SHCBP1L: variants seen among roughly 807,000 people sequenced by gnomAD.
The protein encoded by SHCBP1L is SHC binding and spindle associated 1 like, also known as testicular spindle-associated protein SHCBP1L.
SHCBP1L carries 67 observed loss-of-function variants against 62.5 expected under a neutral mutation model. The ratio of observed to expected loss-of-function variants is 1.07; its 90% CI spans 0.88 to 1.31. The LOEUF (loss-of-function observed/expected upper bound fraction) is 1.31. SHCBP1L is among the 40% of genes most tolerant of loss of function. The pLI, the probability that SHCBP1L is intolerant of heterozygous loss-of-function variation, is 0.00. For synonymous variants in SHCBP1L, 284 were observed against 289.4 expected (o/e 0.98, Z 0.19); for missense variants, 823 against 809.8 (o/e 1.02, Z -0.20).
chr1:182,915,801 G>A (rs1330338215), intron 6 of SHCBP1L, among the ~76,000 whole-genome samples: 2 of 148,282 alleles, frequency 1.3e-5, no homozygotes, highest in Admixed American at 6.7e-5. Context: ...ATTAAACAAC[G>A]TATTCTTTTT....
At chr1:182,950,266 A>G (rs1043899067) in intron 2 of SHCBP1L, among the ~76,000 whole-genome samples, 2 of 152,214 alleles carry the variant, frequency 1.3e-5, no homozygotes, top group African/African-American at 4.8e-5. Context: ...TAATTTCTAT[A>G]TAAGGATAAT....
intron 5 of SHCBP1L, among the ~76,000 whole-genome samples, chr1:182,930,568 T>TATATATATATATATATACACATATATAG (rs1650942725): frequency 9.0e-6 from 1 of 110,500 alleles, no homozygotes; most frequent in Non-Finnish European, 1.7e-5. Context: ...TATATATATA[T>TATATATATATATATATACACATATATAG]ATATATATAT....
chr1:182,921,596 C>G (rs1269834278), intron 6 of SHCBP1L, among the ~76,000 whole-genome samples: 1 of 152,184 alleles, frequency 6.6e-6, no homozygotes, highest in Non-Finnish European at 1.5e-5. Context: ...AGACTCAACT[C>G]TATGCTGTCT....
In SHCBP1L at chr1:182,940,458, T is replaced by C. The variant is rs1183135565; in HGVS notation, c.641A>G (p.Asn214Ser). The C allele has an allele frequency of 1.2e-6, 2 of 1,614,002 alleles. No homozygotes were observed. Among genetic ancestry groups the C allele is most frequent in the South Asian group, 1.1e-5 (1 of 91,080 alleles). The change falls in exon 3 of 10, where the codon AAT becomes AGT. Residue 214 changes from asparagine (N) to serine (S), a missense_variant. Transcript: ENST00000367547. ...VAEPFSSNIA[N>S]IPRDLVDEIL... is the part of the protein sequence containing the mutation. ...CTCATCAACCAAATCTCTTGGAATA[T>C]TTGCAATGTTGGAAGAAAAGGGCTC...
intron 5 of SHCBP1L, among the ~76,000 whole-genome samples, chr1:182,934,316 G>T (rs1651099946): frequency 6.6e-6 from 1 of 152,150 alleles, no homozygotes; most frequent in Non-Finnish European, 1.5e-5. Flanking sequence ...AACAAAGAAT[G>T]AGAGTTCCTT....
At chr1:182,936,259 C>T (rs1210857900) in intron 5 of SHCBP1L, among the ~76,000 whole-genome samples, 1 of 150,180 alleles carries the variant, frequency 6.7e-6, no homozygotes, top group Non-Finnish European at 1.5e-5. Flanking sequence ...TCTCAGCCTC[C>T]TGAGTAGCTG....
At chr1:182,906,577 G>A (rs574791971) in intron 6 of SHCBP1L, among the ~76,000 whole-genome samples, 4 of 146,772 alleles carry the variant, frequency 2.7e-5, no homozygotes, top group East Asian at 2.1e-4. Context: ...GATTACAGGC[G>A]TCTGCCACCA....
chr1:182,916,727 G>A (rs1020590124), intron 6 of SHCBP1L, among the ~76,000 whole-genome samples: 4 of 152,076 alleles, frequency 2.6e-5, no homozygotes, highest in South Asian at 4.1e-4. Flanking sequence ...TAACAGTAAA[G>A]AGATTAAAAA....
chr1:182,910,495 C>T (rs1017926416), intron 6 of SHCBP1L, among the ~76,000 whole-genome samples: 1 of 151,996 alleles, frequency 6.6e-6, no homozygotes, highest in Non-Finnish European at 1.5e-5. Flanking sequence ...TTTTTCACCC[C>T]TCAGGTTGGA....
intron 6 of SHCBP1L, among the ~76,000 whole-genome samples, chr1:182,924,774 A>AAG (rs1557996803): frequency 6.6e-5 from 7 of 105,494 alleles, no homozygotes; most frequent in African/African-American, 4.4e-4. Context: ...GAAAGAAAGA[A>AAG]AGAAAGAAAG....
intron 6 of SHCBP1L, among the ~76,000 whole-genome samples, chr1:182,913,601 A>G (rs1015477327): frequency 1.1e-4 from 16 of 152,232 alleles, no homozygotes; most frequent in Non-Finnish European, 2.1e-4. Flanking sequence ...AAAGACATGA[A>G]TCTACATATC....
intron 2 of SHCBP1L, among the ~76,000 whole-genome samples, chr1:182,944,895 G>A (rs148025084): frequency 2.4e-4 from 36 of 150,108 alleles, no homozygotes; most frequent in African/African-American, 8.1e-4. Flanking sequence ...TGCAAAAAAC[G>A]TTTTCCCAGC....
At chr1:182,905,801 C>T (rs1649993892) in intron 6 of SHCBP1L, 152 bp from the exon 7 acceptor site, 5 of 694,612 alleles carry the variant, frequency 7.2e-6, no homozygotes, top group Middle Eastern at 8.3e-4. Flanking sequence ...ATCAGTTCAT[C>T]GATTAATATT....
Position 182,953,075 on chromosome 1 carries a change from T to C in SHCBP1L, c.59A>G (p.Asp20Gly). 1 of 1,555,640 alleles carries C rather than the reference T, an allele frequency of 6.4e-7. No homozygotes were observed. Among genetic ancestry groups the C allele is most frequent in the South Asian group, 1.2e-5 (1 of 85,500 alleles). The change falls in exon 1 of 10, where the codon GAC becomes GGC. Residue 20 changes from aspartate (D) to glycine (G), a missense_variant. Coordinates refer to ENST00000367547, the MANE Select transcript of SHCBP1L (RefSeq NM_030933.4). ...PADSFRTISP[D>G]RRGEKSASAV... ...GGAGGCGGACTTCTCGCCTCGCCTG[T>C]CCGGGCTGATGGTGCGGAATGAGTC...
intron 5 of SHCBP1L, among the ~76,000 whole-genome samples, chr1:182,938,543 C>G (rs936164169): frequency 2.0e-5 from 3 of 152,168 alleles, no homozygotes; most frequent in African/African-American, 4.8e-5. Flanking sequence ...TTACTGCAGC[C>G]TCAAACTCTT....
At position 182,932,441 on chromosome 1, in the gene SHCBP1L, C is replaced by T. The variant is rs1039789169; in HGVS notation, c.1077-2689G>A. Among the ~76,000 whole-genome samples, 11 of 151,796 alleles carry T rather than the reference C, an allele frequency of 7.2e-5. No individual in the cohort carries two copies. In the East Asian group the frequency reaches 1.7e-3, roughly 24 times the overall value. On this transcript the variant is annotated intron_variant, in intron 5 of 9. Transcript: ENST00000367547. Reference sequence around the variant, plus strand: ...AGTGAGAATTCCTGTTGTTCCACACCTTTCTAGGAATTTTTTATGGAATTT... The same window carrying T: ...AGTGAGAATTCCTGTTGTTCCACACTTTTCTAGGAATTTTTTATGGAATTT...
At chr1:182,916,589 C>T (rs748450122) in intron 6 of SHCBP1L, among the ~76,000 whole-genome samples, 1 of 152,008 alleles carries the variant, frequency 6.6e-6, no homozygotes, top group Non-Finnish European at 1.5e-5. Context: ...TATATGTACA[C>T]CTATGAACAA....
At chr1:182,907,431 C>CAA (rs541641519) in intron 6 of SHCBP1L, among the ~76,000 whole-genome samples, 64 of 104,322 alleles carry the variant, frequency 6.1e-4, no homozygotes, top group Non-Finnish European at 8.8e-4. Context: ...GAAACTGTCT[C>CAA]AAAAAAAAAA....
At chr1:182,924,466 T>G (rs1393413074) in intron 6 of SHCBP1L, among the ~76,000 whole-genome samples, 1 of 151,478 alleles carries the variant, frequency 6.6e-6, no homozygotes, top group Non-Finnish European at 1.5e-5. Context: ...CCCGGCTAAT[T>G]TTTTGTATTT....
Sources: gnomAD v4.1 joint callset for allele counts (sites outside exome capture counted in the v4.1 genomes callset) on GRCh38, gnomAD v4.1.1 for gene constraint, MANE v1.5 for transcripts, NCBI Gene and HGNC (gene_info 2026-07-23, HGNC 2026-07-21) for gene names.